PHF3: variants seen among roughly 807,000 people sequenced by gnomAD.
PHF3 encodes the protein PHD finger protein 3.
A neutral mutation model predicts 178.4 loss-of-function variants in PHF3; 41 were observed. That is an observed-to-expected ratio of 0.23 (90% CI 0.18 to 0.30). The LOEUF is 0.30. PHF3 is among the 10% of genes least tolerant of loss of function. PHF3 has a pLI of 1.00. For missense variants in PHF3, 2,346 were observed against 2,398.1 expected, an observed-to-expected ratio of 0.98 and a Z score of 0.45; for synonymous variants, 842 against 800.5, an observed-to-expected ratio of 1.05 and a Z score of -0.88.
chr6:63,667,125 A>G (rs555975586), intron 2 of PHF3, among the ~76,000 whole-genome samples: 2 of 152,222 alleles, frequency 1.3e-5, no homozygotes, highest in South Asian at 4.2e-4. Context: ...GATTACAGAT[A>G]TGAGTACCAT....
At chr6:63,679,905 C>A (rs771368510) in intron 2 of PHF3, 95 bp from the exon 3 acceptor site, 7 of 987,642 alleles carry the variant, frequency 7.1e-6, no homozygotes, top group Non-Finnish European at 1.1e-5. Context: ...TGTAGTGTTA[C>A]ATTAAGACTA....
chr6:63,719,689 G>A lies in PHF3; in HGVS notation c.*5981G>A, dbSNP rs1485658115. On this transcript the variant is annotated 3_prime_UTR_variant, in exon 16 of 16. Transcript: ENST00000262043. ...TAGTAATTTTCCATGGCATTGTTTA[G>A]AACCTATTTTATGCCCAATTTTGAG... Among the ~76,000 whole-genome samples, 2 of 152,048 alleles carry A rather than the reference G, an allele frequency of 1.3e-5. No individual in the cohort carries two copies. The highest frequency in any genetic ancestry group is 2.9e-5 in the Non-Finnish European group (2 of 67,952).
intron 2 of PHF3, among the ~76,000 whole-genome samples, chr6:63,673,061 C>T (rs1765988116): frequency 6.6e-6 from 1 of 152,036 alleles, no homozygotes; most frequent in Admixed American, 6.6e-5. Context: ...AAATTTATTT[C>T]TCCTCAAGTT....
At chr6:63,656,680 C>G (rs1421359288) in intron 2 of PHF3, among the ~76,000 whole-genome samples, 1 of 152,126 alleles carries the variant, frequency 6.6e-6, no homozygotes, top group Non-Finnish European at 1.5e-5. Context: ...GCTGTTGTTT[C>G]CCTGTATTCG....
In PHF3 at chr6:63,723,136, G is replaced by T. The variant is rs937228393; in HGVS notation, c.*9428G>T. ...GACTCAGAATATTTCTCAAATAATA[G>T]TTTTAGCTTGAAAGCAAAAACTTTT... is the stretch of plus-strand genomic sequence containing the variant. On this transcript the variant is annotated 3_prime_UTR_variant, in exon 16 of 16. Transcript: ENST00000262043. Among the ~76,000 whole-genome samples the T allele has an allele frequency of 1.3e-5, 2 of 152,130 alleles. No homozygotes were observed. Among genetic ancestry groups the T allele is most frequent in the African/African-American group, 4.8e-5 (2 of 41,412 alleles).
intron 13 of PHF3, 43 bp from the exon 14 acceptor site, chr6:63,709,108 T>C (rs568739597): frequency 2.0e-6 from 2 of 1,002,880 alleles, no homozygotes; most frequent in African/African-American, 1.7e-5. Context: ...ATAATAAAGA[T>C]AATCTATATA....
chr6:63,704,026 A>G (rs1386769494), intron 11 of PHF3, among the ~76,000 whole-genome samples: 2 of 152,364 alleles, frequency 1.3e-5, no homozygotes, highest in Non-Finnish European at 2.9e-5. Flanking sequence ...TTTATATTTT[A>G]TTATATATAA....
chr6:63,651,733 T>G (rs1182082164), intron 2 of PHF3, among the ~76,000 whole-genome samples: 1 of 152,152 alleles, frequency 6.6e-6, no homozygotes, highest in Non-Finnish European at 1.5e-5. Flanking sequence ...CCAACTCTGG[T>G]AATCACTATT....
At chr6:63,676,176 T>C in intron 2 of PHF3, among the ~76,000 whole-genome samples, 1 of 152,222 alleles carries the variant, frequency 6.6e-6, no homozygotes, top group East Asian at 1.9e-4. Context: ...TCTCCCAGTC[T>C]GTCTTTTCTC....
Position 63,702,466 on chromosome 6 carries a change from A to G in PHF3, c.3100-42A>G, listed in dbSNP as rs544210002. On this transcript the variant is annotated intron_variant, in intron 9 of 15. Transcript: ENST00000262043. ...ATTTAAGGTGTACACTTGGAAATAC[A>G]TATTTTAAATTTAATATTTTTAAAA... 8 of 1,334,978 alleles carry G rather than the reference A, an allele frequency of 6.0e-6. No individual in the cohort carries two copies. The Admixed American group carries it at 7.2e-5, about 12-fold the overall frequency. 82.7% of individuals were successfully genotyped at this position (1,334,978 alleles called of 1,614,324 possible). A position where few individuals can be genotyped will look rare whatever the true frequency, so the allele number is the denominator to read the frequency against.
At chr6:63,690,084 C>T (rs1766929373) in intron 4 of PHF3, among the ~76,000 whole-genome samples, 1 of 152,102 alleles carries the variant, frequency 6.6e-6, no homozygotes, top group Admixed American at 6.5e-5. Context: ...CTTTTAAACA[C>T]CTGCATTTCA....
intron 2 of PHF3, among the ~76,000 whole-genome samples, chr6:63,668,645 T>G (rs1382017633): frequency 6.6e-6 from 1 of 152,116 alleles, no homozygotes; most frequent in Non-Finnish European, 1.5e-5. Context: ...CGGCCCTCTT[T>G]CCTTTTTGAT....
chr6:63,674,744 T>C (rs941818661), intron 2 of PHF3, among the ~76,000 whole-genome samples: 42 of 152,176 alleles, frequency 2.8e-4, no homozygotes, highest in Admixed American at 2.6e-4. Context: ...TGCACAGATA[T>C]GTTCTTTTCC....
intron 2 of PHF3, among the ~76,000 whole-genome samples, chr6:63,669,682 T>C (rs912555238): frequency 1.3e-5 from 2 of 152,168 alleles, no homozygotes; most frequent in Non-Finnish European, 2.9e-5. Flanking sequence ...TGAGGAAGGC[T>C]CTAGAGTTGG....
chr6:63,709,175 G>A lies in PHF3; in HGVS notation c.3736G>A (p.Gly1246Ser). 3 of 1,606,688 alleles carry A rather than the reference G, an allele frequency of 1.9e-6. No individual in the cohort carries two copies. Among genetic ancestry groups the A allele is most frequent in the Non-Finnish European group, 2.6e-6 (3 of 1,175,744 alleles). Residue 1246 changes from glycine to serine, a missense_variant, in exon 14 of 16, where the codon GGT becomes AGT. Gly to Ser is a moderately conservative substitution (Grantham distance 56). Coordinates refer to ENST00000262043, the MANE Select transcript of PHF3 (RefSeq NM_001370348.2). ...TEDLPDSIQV[G>S]GRISPQTVWD... ...GGACCTACCAGATAGTATTCAAGTAGGTGGCAGGATATCACCTCAGACAGT... is the reference window on the plus strand; with the variant it reads ...GGACCTACCAGATAGTATTCAAGTAAGTGGCAGGATATCACCTCAGACAGT...
intron 2 of PHF3, among the ~76,000 whole-genome samples, chr6:63,663,020 TA>T (rs1172845650): frequency 3.9e-5 from 6 of 152,130 alleles, no homozygotes; most frequent in East Asian, 3.8e-4. Flanking sequence ...AGGAAGTGAA[TA>T]AAAAAATAAT....
chr6:63,668,790 G>A (rs1182878818), intron 2 of PHF3, among the ~76,000 whole-genome samples: 1 of 152,036 alleles, frequency 6.6e-6, no homozygotes, highest in Non-Finnish European at 1.5e-5. Context: ...GTGTTCCATT[G>A]CATAGTTTTG....
At chr6:63,639,688 G>T (rs74812942) in intron 1 of PHF3, among the ~76,000 whole-genome samples, 1 of 152,116 alleles carries the variant, frequency 6.6e-6, no homozygotes, top group Non-Finnish European at 1.5e-5. Context: ...GTCTCAGTTT[G>T]CTCTAAAGAG....
intron 1 of PHF3, among the ~76,000 whole-genome samples, chr6:63,643,065 G>A (rs1764643544): frequency 6.6e-6 from 1 of 151,606 alleles, no homozygotes. Context: ...ATTATTATTG[G>A]TGTATTACCA....
Sources: gnomAD v4.1 joint callset for allele counts (sites outside exome capture counted in the v4.1 genomes callset) on GRCh38, gnomAD v4.1.1 for gene constraint, MANE v1.5 for transcripts, NCBI Gene and HGNC (gene_info 2026-07-23, HGNC 2026-07-21) for gene names.